Variants in MAOB observed in about 807,000 individuals in gnomAD.
MAOB encodes amine oxidase [flavin-containing] B.
MAOB carries 15 observed loss-of-function variants against 41.9 expected under a neutral mutation model. The observed-to-expected ratio is 0.36, with a 90% CI of 0.24 to 0.55. MAOB has a LOEUF of 0.55. MAOB is among the 20% of genes least tolerant of loss of function. The probability of loss-of-function intolerance (pLI) is 0.86; values close to 1 mark genes in which losing one functional copy is unlikely to be tolerated. For missense variants in MAOB, 345 were observed against 398.7 expected, an observed-to-expected ratio of 0.87 and a Z score of 1.15; for synonymous variants, 167 against 144.2, an observed-to-expected ratio of 1.16 and a Z score of -1.13.
intron 3 of MAOB, among the ~76,000 whole-genome samples, chrX:43,831,443 C>T (rs140832739): frequency 1.5e-4 from 17 of 111,068 alleles, no homozygotes; most frequent in African/African-American, 5.2e-4. Context: ...AAAGCCGTAA[C>T]ATTTGGTGTA....
rs767162595 is a variant in MAOB at position 43,773,751 on chromosome X, C to A, written c.1235+1424G>T. Reference sequence around the variant, plus strand: ...AAAAACGGGAGTTTCTTTGCACAAGCTCTCTCTTTGCCTGCTGCCATCGAC... The same window carrying A: ...AAAAACGGGAGTTTCTTTGCACAAGATCTCTCTTTGCCTGCTGCCATCGAC... On this transcript the variant is annotated intron_variant, in intron 12 of 14. Coordinates refer to ENST00000378069, the MANE Select transcript of MAOB (RefSeq NM_000898.5). Among the ~76,000 whole-genome samples the A allele has an allele frequency of 4.5e-5, 5 of 111,960 alleles. No individual in the cohort carries two copies. In the South Asian group the frequency reaches 1.5e-3, roughly 34 times the overall value.
rs371656441 is a variant in MAOB at position 43,802,156 on chromosome X, T to C, written c.476+16A>G. The C allele has an allele frequency of 4.4e-5, 52 of 1,181,560 alleles. No homozygotes were observed. The African/African-American group carries it at 9.1e-4, about 21-fold the overall frequency. On this transcript the variant is annotated intron_variant, in intron 5 of 14. Transcript: ENST00000378069. ...GGTGGTCACAGTAAATGCCTGTGCC[T>C]AATGGCAAGACTTACTCAGTCCAGC...
chrX:43,867,539 G>C (rs1161304676), intron 1 of MAOB, among the ~76,000 whole-genome samples: 1 of 112,323 alleles, frequency 8.9e-6, no homozygotes, highest in East Asian at 2.8e-4. Context: ...AACTAGACAA[G>C]AGTATGAGAT....
chrX:43,843,780 G>A lies in MAOB; in HGVS notation c.47-16C>T. Reference sequence around the variant, plus strand: ...GCTGCCATACCTGGGAGAAAAGACAGTAAGACATCAGGATCAAATACAAGG... The same window carrying A: ...GCTGCCATACCTGGGAGAAAAGACAATAAGACATCAGGATCAAATACAAGG... On this transcript the variant is annotated splice_polypyrimidine_tract_variant and intron_variant, in intron 1 of 14. Coordinates refer to ENST00000378069, the MANE Select transcript of MAOB (RefSeq NM_000898.5). 9 of 1,208,080 alleles carry A rather than the reference G, an allele frequency of 7.4e-6. No individual in the cohort carries two copies. The highest frequency in any genetic ancestry group is 1.0e-5 in the Non-Finnish European group (9 of 894,034).
intron 1 of MAOB, chrX:43,850,436 A>G: frequency 2.7e-6 from 2 of 751,996 alleles, no homozygotes; most frequent in African/African-American, 2.3e-5. Context: ...ACTGAACTAC[A>G]TATTAGGAGG....
Position 43,780,353 on chromosome X carries a change from G to T in MAOB, c.1068C>A (p.Thr356=). Residue 356 remains threonine (T), a synonymous_variant, in exon 10 of 15, where the codon ACC becomes ACA. Coordinates refer to ENST00000378069, the MANE Select transcript of MAOB (RefSeq NM_000898.5). ...ATTTCTTTTGTTACCTTTCCTCTTT[G>T]GTAAGACGTGCCAGTTTTCTGGCTT... ...AHKARKLARL[T]KEERLKKLCE... is the part of the protein sequence containing the mutation. 8.3e-7 allele frequency: 1 copy of T among 1,203,495 alleles called. No homozygotes were observed. Among genetic ancestry groups the T allele is most frequent in the Non-Finnish European group, 1.1e-6 (1 of 889,637 alleles).
intron 12 of MAOB, among the ~76,000 whole-genome samples, chrX:43,773,696 T>C (rs1401252172): frequency 8.9e-6 from 1 of 111,841 alleles, no homozygotes; most frequent in East Asian, 2.8e-4. Context: ...CTGGTGATAA[T>C]GAATGGATCT....
At position 43,810,850 on chromosome X, in the gene MAOB, T is replaced by C. The variant is rs2034738395; in HGVS notation, c.280-7446A>G. Among the ~76,000 whole-genome samples, 4 of 111,850 alleles carry C rather than the reference T, an allele frequency of 3.6e-5. No individual in the cohort carries two copies. In the Admixed American group the frequency reaches 3.8e-4, roughly 11 times the overall value. ...GATTATACAAGGTACACAGGATGCA[T>C]GCACTAAATGGATATTGCTGATGGT... is the stretch of plus-strand genomic sequence containing the variant. On this transcript the variant is annotated intron_variant, in intron 3 of 14. Coordinates refer to ENST00000378069, the MANE Select transcript of MAOB (RefSeq NM_000898.5).
intron 8 of MAOB, among the ~76,000 whole-genome samples, chrX:43,788,555 A>G (rs981976187): frequency 2.7e-5 from 3 of 111,811 alleles, no homozygotes; most frequent in African/African-American, 9.7e-5. Flanking sequence ...AGCATGGTGT[A>G]TAATAGCAAA....
chrX:43,772,136 C>T (rs183078636), intron 12 of MAOB, among the ~76,000 whole-genome samples: 12 of 111,742 alleles, frequency 1.1e-4, no homozygotes, highest in African/African-American at 3.9e-4. Context: ...GAATATAAAA[C>T]TTATTGCAAT....
chrX:43,844,606 T>C (rs1429787521), intron 1 of MAOB: 1 of 112,372 alleles, frequency 8.9e-6, no homozygotes, highest in Non-Finnish European at 1.9e-5. Context: ...AAACCGGCTC[T>C]CAATGTAGTG....
At chrX:43,870,754 C>T (rs868278835) in intron 1 of MAOB, among the ~76,000 whole-genome samples, 13 of 94,109 alleles carry the variant, frequency 1.4e-4, no homozygotes, top group Non-Finnish European at 1.9e-4. Flanking sequence ...AAGATCTCAC[C>T]GCTGCACTCC....
chrX:43,839,896 G>A (rs1320076715), intron 2 of MAOB, among the ~76,000 whole-genome samples: 1 of 112,131 alleles, frequency 8.9e-6, no homozygotes, highest in Non-Finnish European at 1.9e-5. Context: ...AGAACTGGGA[G>A]AGATAAGATG....
At chrX:43,848,710 C>T (rs976014461) in intron 1 of MAOB, among the ~76,000 whole-genome samples, 7 of 111,850 alleles carry the variant, frequency 6.3e-5, no homozygotes, top group South Asian at 3.8e-4. Context: ...AGCACCACTA[C>T]GCCCGGCTAA....
At chrX:43,866,172 A>G (rs1317095343) in intron 1 of MAOB, among the ~76,000 whole-genome samples, 2 of 110,587 alleles carry the variant, frequency 1.8e-5, no homozygotes, top group Non-Finnish European at 3.8e-5. Context: ...ATCTCATGAG[A>G]TTTACATTTT....
At chrX:43,778,650 A>G in intron 11 of MAOB, 32 bp downstream of exon 11, 1 of 1,157,597 alleles carries the variant, frequency 8.6e-7, no homozygotes, top group Non-Finnish European at 1.2e-6. Context: ...AAGGCCTCTC[A>G]CCCTTAGTAT....
At chrX:43,775,014 G>A (rs901290652) in intron 12 of MAOB, among the ~76,000 whole-genome samples, 161 bp downstream of exon 12, 5 of 106,622 alleles carry the variant, frequency 4.7e-5, no homozygotes, top group African/African-American at 1.7e-4. Flanking sequence ...TCATTCATAA[G>A]ATACACGATT....
chrX:43,796,110 A>G (rs760331947), intron 6 of MAOB, among the ~76,000 whole-genome samples: 1 of 111,203 alleles, frequency 9.0e-6, no homozygotes, highest in Non-Finnish European at 1.9e-5. Context: ...AGATTCCCAG[A>G]CTCCAACCTT....
At chrX:43,868,947 A>G (rs2147180348) in intron 1 of MAOB, among the ~76,000 whole-genome samples, 1 of 111,050 alleles carries the variant, frequency 9.0e-6, no homozygotes, top group South Asian at 3.9e-4. Flanking sequence ...GCATTCAGTT[A>G]ATGTTTTCTA....
Sources: allele counts gnomAD v4.1 joint callset (sites outside exome capture counted in the v4.1 genomes callset), GRCh38; gene constraint gnomAD v4.1.1; transcripts MANE v1.5; gene names NCBI Gene and HGNC (gene_info 2026-07-23, HGNC 2026-07-21).